Variants in ZNF595 observed in about 807,000 individuals in gnomAD.
The protein encoded by ZNF595 is zinc finger protein 595.
Under a neutral mutation model 19.4 loss-of-function variants are expected in ZNF595, and 9 were observed. The observed-to-expected ratio is 0.46, with a 90% confidence interval of 0.28 to 0.81. ZNF595 has a LOEUF of 0.81. Ranked by LOEUF, ZNF595 falls within the 30% of genes least tolerant of loss-of-function variation. The pLI is 0.11. For synonymous variants in ZNF595, 255 were observed against 255.9 expected (o/e 1.00, Z 0.03); for missense variants, 729 against 736.0 (o/e 0.99, Z 0.11).
chr4:71,507 G>T (rs967739965), intron 3 of ZNF595, among the ~76,000 whole-genome samples: 1 of 152,094 alleles, frequency 6.6e-6, no homozygotes. Context: ...GTCTTTTCCT[G>T]GTCCTAGGTT....
intron 3 of ZNF595, among the ~76,000 whole-genome samples, chr4:75,797 G>A (rs371471982): frequency 6.7e-6 from 1 of 149,100 alleles, no homozygotes; most frequent in Non-Finnish European, 1.5e-5. Context: ...ACAGATTTTT[G>A]GGGGGTTTTT....
chr4:67,121 C>A (rs1713154552), intron 3 of ZNF595, among the ~76,000 whole-genome samples: 1 of 143,506 alleles, frequency 7.0e-6, no homozygotes, highest in African/African-American at 2.6e-5. Context: ...AATTTTGCTT[C>A]TGCTTTTGAT....
Position 87,338 on chromosome 4 carries a change from A to G in ZNF595, c.1834A>G (p.Ile612Val), listed in dbSNP as rs548352465. 6.2e-6 allele frequency: 10 copies of G among 1,613,562 alleles called. No individual in the cohort carries two copies. Among genetic ancestry groups the G allele is most frequent in the East Asian group, 2.2e-5 (1 of 44,856 alleles). ...GTCCTCATCCCTTACTAAACATAAG[A>G]TAATTCATACTGGAGAGAAATCCTA... ...NWSSSLTKHK[I>V]IHTGEKSYKC... Residue 612 changes from isoleucine to valine, a missense_variant, in exon 4 of 4, where the codon ATA becomes GTA. Around this residue, in one of 2 missense-constraint regions of ZNF595, gnomAD observed 729 missense variants for 675.3 expected, o/e 1.08. Coordinates refer to ENST00000610261, the MANE Select transcript of ZNF595 (RefSeq NM_182524.4).
chr4:85,428 G>T (rs1190427118), intron 3 of ZNF595, among the ~76,000 whole-genome samples: 1 of 152,172 alleles, frequency 6.6e-6, no homozygotes, highest in Non-Finnish European at 1.5e-5. Flanking sequence ...TAGGCACAAT[G>T]CTATATTGGG....
rs782113308 is a variant in ZNF595 at position 86,721 on chromosome 4, A to G, written c.1217A>G (p.Tyr406Cys). The change falls in exon 4 of 4, where the codon TAT (tyrosine) becomes TGT (cysteine). Residue 406 changes from tyrosine to cysteine, a missense_variant. Physicochemically the swap from Tyr to Cys is radical, Grantham distance 194. This residue lies in a region of ZNF595 where 729 missense variants were observed against 675.3 expected (regional missense o/e 1.08). Coordinates refer to ENST00000610261, the MANE Select transcript of ZNF595 (RefSeq NM_182524.4). ...TGTGAAGAATGTGGCAAAGCTTTTTATAGGTCCTCACACCTTGCTAAACAT... is the reference window on the plus strand; with the variant it reads ...TGTGAAGAATGTGGCAAAGCTTTTTGTAGGTCCTCACACCTTGCTAAACAT... ...YTCEECGKAF[Y>C]RSSHLAKHKR... The G allele has an allele frequency of 3.7e-6, 6 of 1,612,640 alleles. No homozygotes were observed. The highest frequency in any genetic ancestry group is 2.2e-5 in the South Asian group (2 of 90,954).
intron 3 of ZNF595, among the ~76,000 whole-genome samples, chr4:75,890 T>A (rs545177788): frequency 6.6e-6 from 1 of 152,072 alleles, no homozygotes; most frequent in Non-Finnish European, 1.5e-5. Context: ...AGATAACAAT[T>A]TAACTTTCTG....
chr4:84,578 C>T (rs1553800711), intron 3 of ZNF595, among the ~76,000 whole-genome samples: 2 of 152,172 alleles, frequency 1.3e-5, no homozygotes, highest in East Asian at 1.9e-4. Context: ...TTATGTAAGA[C>T]CACACTTATA....
intron 3 of ZNF595, among the ~76,000 whole-genome samples, chr4:78,795 C>T (rs1235742624): frequency 3.9e-5 from 6 of 152,064 alleles, no homozygotes; most frequent in Admixed American, 6.6e-5. Context: ...CTCAGCTTAC[C>T]GCAGCCTCCT....
In ZNF595 at chr4:86,224, C is replaced by T; in HGVS notation, c.720C>T (p.Ser240=). The T allele has an allele frequency of 6.2e-7, 1 of 1,611,792 alleles. No homozygotes were observed. Among genetic ancestry groups the T allele is most frequent in the Non-Finnish European group, 8.5e-7 (1 of 1,178,178 alleles). Residue 240 remains serine, a synonymous_variant, in exon 4 of 4, where the codon TCC becomes TCT. Coordinates refer to ENST00000610261, the MANE Select transcript of ZNF595 (RefSeq NM_182524.4). ...CEECGKAFRR[S]TVLNEHKKIH... Reference sequence around the variant, plus strand: ...AATGTGGCAAAGCCTTTAGACGGTCCACAGTTCTGAACGAACATAAGAAAA... The same window carrying T: ...AATGTGGCAAAGCCTTTAGACGGTCTACAGTTCTGAACGAACATAAGAAAA...
Position 78,166 on chromosome 4 carries a change from G to A in ZNF595, c.227-7565G>A, listed in dbSNP as rs1331276895. Among the ~76,000 whole-genome samples the A allele has an allele frequency of 3.9e-5, 6 of 152,164 alleles. 1 individual carries two copies. Among genetic ancestry groups the A allele is most frequent in the African/African-American group, 7.2e-5 (3 of 41,500 alleles). On this transcript the variant is annotated intron_variant, in intron 3 of 3. Transcript: ENST00000610261. The stretch of plus-strand genomic sequence containing the variant: ...TGGGACTACAGGCGTCCGCGGCCAC[G>A]TCCGGCTAATTTTTTGTATGTTTAG...
At chr4:69,884 C>T (rs1713355047) in intron 3 of ZNF595, among the ~76,000 whole-genome samples, 1 of 152,140 alleles carries the variant, frequency 6.6e-6, no homozygotes, top group African/African-American at 2.4e-5. Flanking sequence ...TGTTTTCTTG[C>T]AGTAGTTTCA....
chr4:73,418 T>G (rs1454794775), intron 3 of ZNF595, among the ~76,000 whole-genome samples: 1 of 152,128 alleles, frequency 6.6e-6, no homozygotes, highest in African/African-American at 2.4e-5. Flanking sequence ...GGAGAGAAAC[T>G]TAAGCAAAGT....
Position 85,743 on chromosome 4 carries a change from CT to C in ZNF595, c.242del (p.Phe81SerfsTer11). ...TTATTTCTTTCAGCTATATGTTCTC[CT>C]TTCAGCCAAGACCTTTCACCAGTGC... is the stretch of plus-strand genomic sequence containing the variant. ...TAAKPPAICS[P>X]FSQDLSPVQG... is the part of the protein sequence containing the mutation. On this transcript the variant is annotated frameshift_variant, in exon 4 of 4. Coordinates refer to ENST00000610261, the MANE Select transcript of ZNF595 (RefSeq NM_182524.4). LOFTEE classifies it low-confidence loss of function (END_TRUNC). 1 of 1,569,822 alleles carries C rather than the reference CT, an allele frequency of 6.4e-7. No homozygotes were observed. The highest frequency in any genetic ancestry group is 8.6e-7 in the Non-Finnish European group (1 of 1,159,314).
intron 3 of ZNF595, among the ~76,000 whole-genome samples, chr4:70,589 C>T (rs570481811): frequency 6.6e-6 from 1 of 152,304 alleles, no homozygotes; most frequent in African/African-American, 2.4e-5. Context: ...CCACCTGTCT[C>T]AGCCTTTCAG....
chr4:87,574 C>G lies in ZNF595; in HGVS notation c.*123C>G, dbSNP rs907574756. 1 of 872,852 alleles carries G rather than the reference C, an allele frequency of 1.1e-6. No individual in the cohort carries two copies. Among genetic ancestry groups the G allele is most frequent in the Non-Finnish European group, 1.7e-6 (1 of 604,590 alleles). The allele number at this position is 872,852 out of a possible 1,614,324, so 54.1% of individuals were successfully genotyped here. On this transcript the variant is annotated 3_prime_UTR_variant, in exon 4 of 4. Coordinates refer to ENST00000610261, the MANE Select transcript of ZNF595 (RefSeq NM_182524.4). ...AAATTTTTTAAAATTTCTGTAGGTA[C>G]ATAGTATGTGTATCTATTCATGGCT... is the stretch of plus-strand genomic sequence containing the variant.
chr4:81,802 A>G (rs1239690129), intron 3 of ZNF595, among the ~76,000 whole-genome samples: 2 of 152,078 alleles, frequency 1.3e-5, no homozygotes, highest in Non-Finnish European at 2.9e-5. Context: ...TTCATGGTTG[A>G]CTTACTTCAT....
At chr4:83,614 C>T (rs375557453) in intron 3 of ZNF595, among the ~76,000 whole-genome samples, 11,346 of 108,198 alleles carry the variant, frequency 0.1, 614 homozygotes, top group African/African-American at 0.2. Flanking sequence ...AGTGAGACTC[C>T]GTCTCAAAAA....
In ZNF595 at chr4:86,606, T is replaced by G. The variant is rs782711480; in HGVS notation, c.1102T>G (p.Tyr368Asp). 1 of 1,613,340 alleles carries G rather than the reference T, an allele frequency of 6.2e-7. No individual in the cohort carries two copies. Reference sequence around the variant, plus strand: ...GAGCATTCATTCTGAACAAAAACTTTACAAATGTGAAGAATGTGGCAAAGC... The same window carrying G: ...GAGCATTCATTCTGAACAAAAACTTGACAAATGTGAAGAATGTGGCAAAGC... ...HRSIHSEQKL[Y>D]KCEECGKAFT... Residue 368 changes from tyrosine to aspartate, a missense_variant, in exon 4 of 4, where the codon TAC (tyrosine) becomes GAC (aspartate). By Grantham distance (160) the Tyr-to-Asp change is radical. Coordinates refer to ENST00000610261, the MANE Select transcript of ZNF595 (RefSeq NM_182524.4).
intron 1 of ZNF595, among the ~76,000 whole-genome samples, chr4:54,935 G>A (rs1712556625): frequency 6.6e-6 from 1 of 152,304 alleles, no homozygotes; most frequent in Non-Finnish European, 1.5e-5. Flanking sequence ...AGGCTGGAGT[G>A]CAGTGGCGTG....
Sources: allele counts gnomAD v4.1 joint callset (sites outside exome capture counted in the v4.1 genomes callset), GRCh38; gene constraint gnomAD v4.1.1; regional missense constraint gnomAD v4.1.1; transcripts MANE v1.5; gene names NCBI Gene and HGNC (gene_info 2026-07-23, HGNC 2026-07-21).